The following CHD6 variants were observed in gnomAD, a reference collection of about 807,000 sequenced individuals.
CHD6 encodes the protein chromodomain helicase DNA binding protein 6, also known as ATP-dependent chromatin remodeler CHD6.
Under a neutral mutation model 276.9 loss-of-function variants are expected in CHD6, and 50 were observed. The ratio of observed to expected loss-of-function variants is 0.18; its 90% confidence interval spans 0.14 to 0.23. The LOEUF is 0.23. CHD6 is among the 10% of genes least tolerant of loss of function. The pLI, the probability that CHD6 is intolerant of heterozygous loss-of-function variation, is 1.00. For missense variants in CHD6, 2,564 were observed against 3,365.8 expected, an observed-to-expected ratio of 0.76 and a Z score of 5.89; for synonymous variants, 1,173 against 1,229.3, an observed-to-expected ratio of 0.95 and a Z score of 0.96.
chr20:41,510,256 C>T (rs933233075), intron 5 of CHD6, among the ~76,000 whole-genome samples: 5 of 152,322 alleles, frequency 3.3e-5, no homozygotes, highest in Admixed American at 6.5e-5. Flanking sequence ...TTTTCGTTAG[C>T]GTGGGAAATC....
In CHD6 at chr20:41,403,953, C is replaced by T; in HGVS notation, c.*640G>A. 1 of 1,053,820 alleles carries T rather than the reference C, an allele frequency of 9.5e-7. No homozygotes were observed. Among genetic ancestry groups the T allele is most frequent in the East Asian group, 5.4e-5 (1 of 18,644 alleles). The allele number at this position is 1,053,820 out of a possible 1,614,324, so 65.3% of individuals were successfully genotyped here. Reference sequence around the variant, plus strand: ...CCTAGTCAGTCAGTATTTCTTCTTGCTGCAGGTGTCTGAAAAACCACCAAG... The same window carrying T: ...CCTAGTCAGTCAGTATTTCTTCTTGTTGCAGGTGTCTGAAAAACCACCAAG... On this transcript the variant is annotated 3_prime_UTR_variant, in exon 37 of 37. Transcript: ENST00000373233.
intron 17 of CHD6, among the ~76,000 whole-genome samples, chr20:41,467,400 T>C (rs751154628): frequency 6.6e-6 from 1 of 151,274 alleles, no homozygotes; most frequent in Non-Finnish European, 1.5e-5. Flanking sequence ...ACCTTTGGAG[T>C]AAAACACAAC....
In CHD6 at chr20:41,513,365, T is replaced by C. The variant is rs185722038; in HGVS notation, c.703-370A>G. On this transcript the variant is annotated intron_variant, in intron 4 of 36. Transcript: ENST00000373233. Reference sequence around the variant, plus strand: ...GAACTCTACCATCTTTGGGGTCCCTTCCAGCACTTGGTGGAAGCACAGATT... The same window carrying C: ...GAACTCTACCATCTTTGGGGTCCCTCCCAGCACTTGGTGGAAGCACAGATT... 8.3e-4 allele frequency among the ~76,000 whole-genome samples: 126 copies of C among 152,336 alleles called. 1 individual carries two copies. Among genetic ancestry groups the C allele is most frequent in the African/African-American group, 2.9e-3 (121 of 41,570 alleles).
In CHD6 at chr20:41,440,023, A is replaced by G. The variant is rs2047851442; in HGVS notation, c.3984T>C (p.Asp1328=). 1.3e-5 allele frequency: 21 copies of G among 1,614,114 alleles called. No individual in the cohort carries two copies. Among genetic ancestry groups the G allele is most frequent in the Non-Finnish European group, 1.8e-5 (21 of 1,179,984 alleles). The change falls in exon 26 of 37, where the codon GAT becomes GAC. Residue 1328 remains aspartate (D), a synonymous_variant. Transcript: ENST00000373233. The part of the protein sequence containing the change: ...KSLSAEQGVT[D]GTSDIPERGN... Reference sequence around the variant, plus strand: ...ACCTTTCAGGAATGTCTGAGGTCCCATCTGTAACACCCTGTTCTGCAGAAA... The same window carrying G: ...ACCTTTCAGGAATGTCTGAGGTCCCGTCTGTAACACCCTGTTCTGCAGAAA...
chr20:41,479,555 TA>T (rs973960773), intron 16 of CHD6, among the ~76,000 whole-genome samples: 1 of 151,946 alleles, frequency 6.6e-6, no homozygotes, highest in Non-Finnish European at 1.5e-5. Context: ...AAAGTGAACC[TA>T]AAATTCTAAT....
At chr20:41,469,085 G>C (rs1050207239) in intron 17 of CHD6, among the ~76,000 whole-genome samples, 4 of 152,180 alleles carry the variant, frequency 2.6e-5, no homozygotes, top group African/African-American at 9.7e-5. Context: ...CTTCCCCTCG[G>C]AGCAGTGTGG....
At chr20:41,547,144 T>C (rs774461792) in intron 2 of CHD6, among the ~76,000 whole-genome samples, 40 of 152,230 alleles carry the variant, frequency 2.6e-4, no homozygotes, top group Non-Finnish European at 4.3e-4. Context: ...TATTTGCTGC[T>C]ACTTCTAACA....
chr20:41,563,733 T>A (rs2045326627), intron 1 of CHD6, among the ~76,000 whole-genome samples: 1 of 152,212 alleles, frequency 6.6e-6, no homozygotes, highest in South Asian at 2.1e-4. Flanking sequence ...AAAATCTGAC[T>A]GTACTTTTTT....
chr20:41,494,790 C>G (rs1244723610), intron 8 of CHD6, among the ~76,000 whole-genome samples: 2 of 152,194 alleles, frequency 1.3e-5, no homozygotes, highest in African/African-American at 4.8e-5. Flanking sequence ...TACAACATCC[C>G]TGGCAAGCCT....
chr20:41,481,386 C>T (rs2043291961), intron 16 of CHD6, among the ~76,000 whole-genome samples: 2 of 151,566 alleles, frequency 1.3e-5, no homozygotes, highest in African/African-American at 4.8e-5. Flanking sequence ...AACAAAAAGT[C>T]AAAGACCAAG....
chr20:41,416,487 T>C (rs907414880), intron 33 of CHD6, 101 bp downstream of exon 33: 17 of 1,130,400 alleles, frequency 1.5e-5, no homozygotes, highest in African/African-American at 1.6e-5. Context: ...AAAAAACCCC[T>C]ATCCACTCAG....
chr20:41,486,617 T>G (rs955923421), intron 14 of CHD6, among the ~76,000 whole-genome samples: 3 of 152,196 alleles, frequency 2.0e-5, no homozygotes, highest in Admixed American at 1.3e-4. Context: ...CCAACCCACT[T>G]ACACACCATT....
chr20:41,541,706 C>T (rs1392366221), intron 2 of CHD6, among the ~76,000 whole-genome samples: 1 of 152,190 alleles, frequency 6.6e-6, no homozygotes, highest in African/African-American at 2.4e-5. Context: ...ACAGAATCAT[C>T]GCAGGTGTCA....
chr20:41,514,755 T>A, intron 4 of CHD6, 50 bp downstream of exon 4: 2 of 1,601,778 alleles, frequency 1.2e-6, no homozygotes, highest in Non-Finnish European at 1.7e-6. Context: ...GTCAGCCAGA[T>A]CCCATCCAGG....
chr20:41,499,759 AATT>A (rs2145903655), intron 5 of CHD6, among the ~76,000 whole-genome samples: 1 of 152,346 alleles, frequency 6.6e-6, no homozygotes, highest in East Asian at 1.9e-4. Context: ...TAGGCAAGTC[AATT>A]AATACCTCCT....
intron 32 of CHD6, among the ~76,000 whole-genome samples, 184 bp from the exon 33 acceptor site, chr20:41,416,978 C>T (rs742432): frequency 2.6e-5 from 4 of 151,970 alleles, no homozygotes; most frequent in Admixed American, 1.3e-4. Context: ...TTAAAGCCAT[C>T]GTACTATAAA....
At chr20:41,612,685 A>G (rs763450279) in intron 1 of CHD6, among the ~76,000 whole-genome samples, 2 of 152,216 alleles carry the variant, frequency 1.3e-5, no homozygotes, top group African/African-American at 2.4e-5. Context: ...TAATCCTTCA[A>G]AGTATTTCTT....
chr20:41,520,933 G>A (rs1018248871), intron 3 of CHD6, among the ~76,000 whole-genome samples: 1 of 151,904 alleles, frequency 6.6e-6, no homozygotes, highest in Non-Finnish European at 1.5e-5. Flanking sequence ...AAGAATAAAG[G>A]GAAAATAAAA....
At chr20:41,533,873 G>C (rs2044755435) in intron 2 of CHD6, among the ~76,000 whole-genome samples, 1 of 152,126 alleles carries the variant, frequency 6.6e-6, no homozygotes, top group Non-Finnish European at 1.5e-5. Context: ...CCACCAGACT[G>C]AGCACCAAAT....
Sources: allele counts gnomAD v4.1 joint callset (sites outside exome capture counted in the v4.1 genomes callset), GRCh38; gene constraint gnomAD v4.1.1; transcripts MANE v1.5; gene names NCBI Gene and HGNC (gene_info 2026-07-23, HGNC 2026-07-21).